Variants in GATAD1 observed in about 807,000 individuals in gnomAD.
The protein encoded by GATAD1 is GATA zinc finger domain-containing protein 1.
Under a neutral mutation model 26.5 loss-of-function variants are expected in GATAD1, and 12 were observed. The observed-to-expected ratio is 0.45, with a 90% CI of 0.29 to 0.73. GATAD1 has a LOEUF of 0.73. Among genes scored for constraint, GATAD1 ranks in the 30% least tolerant of loss-of-function variants. The pLI is 0.10. For missense variants in GATAD1, 266 were observed against 342.1 expected, an observed-to-expected ratio of 0.78 and a Z score of 1.75; for synonymous variants, 129 against 133.1, an observed-to-expected ratio of 0.97 and a Z score of 0.21.
the GATAD1 span, among the ~76,000 whole-genome samples, chr7:92,482,724 C>T: frequency 0.058 from 8,756 of 152,008 alleles, 528 homozygotes; most frequent in East Asian, 0.28. Context: ...CAGGAATAGT[C>T]GGGGAAGCAG....
chr7:92,480,980 A>T, the GATAD1 span, among the ~76,000 whole-genome samples: 4 of 152,212 alleles, frequency 2.6e-5, no homozygotes, highest in Non-Finnish European at 2.9e-5. Flanking sequence ...GTCAGTATAA[A>T]TATTGACGTG....
chr7:92,455,113 G>C (rs568761017), intron 4 of GATAD1, among the ~76,000 whole-genome samples: 7 of 151,832 alleles, frequency 4.6e-5, no homozygotes, highest in African/African-American at 1.2e-4. Flanking sequence ...AGGGTGGCGG[G>C]GGGGGATGCA....
At chr7:92,476,257 TA>T in the GATAD1 span, among the ~76,000 whole-genome samples, 1 of 152,260 alleles carries the variant, frequency 6.6e-6, no homozygotes, top group Admixed American at 6.5e-5. Flanking sequence ...CTTTTTTTAT[TA>T]GAATAATTCT....
At chr7:92,494,496 CT>C in the GATAD1 span, 186 of 1,613,618 alleles carry the variant, frequency 1.2e-4, no homozygotes, top group Non-Finnish European at 1.5e-4. Flanking sequence ...CCCTGTAAGC[CT>C]TCTACTCCAT....
At chr7:92,489,702 A>G in the GATAD1 span, 21 of 1,604,234 alleles carry the variant, frequency 1.3e-5, no homozygotes, top group East Asian at 2.2e-5. Flanking sequence ...AATGAGGGGG[A>G]AAAAGCCATA....
At chr7:92,450,354 GTTACTT>G (rs1789375212) in intron 2 of GATAD1, 1 of 214,662 alleles carries the variant, frequency 4.7e-6, no homozygotes, top group South Asian at 9.5e-5. Flanking sequence ...TACATTTTCT[GTTACTT>G]GCATTCTGTC....
the GATAD1 span, chr7:92,489,280 A>G: frequency 8.7e-6 from 14 of 1,611,154 alleles, no homozygotes; most frequent in Non-Finnish European, 1.2e-5. Context: ...CCAAAACAGA[A>G]TCTGTTACTT....
At chr7:92,483,643 C>G in the GATAD1 span, among the ~76,000 whole-genome samples, 1 of 152,200 alleles carries the variant, frequency 6.6e-6, no homozygotes, top group Non-Finnish European at 1.5e-5. Flanking sequence ...AGAGCGTAAA[C>G]GCTAACTGAT....
the GATAD1 span, among the ~76,000 whole-genome samples, chr7:92,466,725 A>C: frequency 1.3e-5 from 2 of 152,216 alleles, no homozygotes; most frequent in African/African-American, 4.8e-5. Flanking sequence ...GTCCTCAACT[A>C]AGAGAACTTG....
the GATAD1 span, among the ~76,000 whole-genome samples, chr7:92,476,094 G>T: frequency 6.6e-6 from 1 of 152,180 alleles, no homozygotes; most frequent in Non-Finnish European, 1.5e-5. Flanking sequence ...TTCCGCCTAG[G>T]TCTGGTCGGA....
At chr7:92,452,840 A>G (rs565939179) in intron 3 of GATAD1, among the ~76,000 whole-genome samples, 2 of 152,376 alleles carry the variant, frequency 1.3e-5, no homozygotes, top group East Asian at 3.9e-4. Flanking sequence ...CATTCAGCAT[A>G]CATTTGAATA....
At chr7:92,473,961 T>G in the GATAD1 span, among the ~76,000 whole-genome samples, 1 of 152,098 alleles carries the variant, frequency 6.6e-6, no homozygotes, top group Admixed American at 6.6e-5. Context: ...GGCCTTCCAG[T>G]GATTCCCTTG....
At chr7:92,475,859 G>A in the GATAD1 span, among the ~76,000 whole-genome samples, 5 of 152,162 alleles carry the variant, frequency 3.3e-5, no homozygotes, top group Admixed American at 6.5e-5. Context: ...TACAGAGAGG[G>A]TGTAGCTAAC....
the GATAD1 span, among the ~76,000 whole-genome samples, chr7:92,466,705 G>A: frequency 1.1e-4 from 16 of 152,108 alleles, no homozygotes; most frequent in Non-Finnish European, 2.1e-4. Context: ...GTATGTTTTC[G>A]AGATAAATAG....
rs1585176475 is a variant in GATAD1 at position 92,458,850 on chromosome 7, T to C, written c.*2288T>C. 6.6e-6 allele frequency: 1 copy of C among 152,232 alleles called. No individual in the cohort carries two copies. The highest frequency in any genetic ancestry group is 1.9e-4 in the East Asian group (1 of 5,200). 9.4% of individuals were successfully genotyped at this position (152,232 alleles called of 1,614,324 possible). A position where few individuals can be genotyped will look rare whatever the true frequency, so the allele number is the denominator to read the frequency against. On this transcript the variant is annotated 3_prime_UTR_variant, in exon 5 of 5. Transcript: ENST00000287957. ...TTTCACCGTGCATTTACTTTGGATG[T>C]ATTTATTTCATTTAAACAATTTAAA...
chr7:92,492,782 T>C, the GATAD1 span, among the ~76,000 whole-genome samples: 1 of 152,232 alleles, frequency 6.6e-6, no homozygotes, highest in East Asian at 1.9e-4. Flanking sequence ...TTATAAATTC[T>C]CTGCAAAACC....
At chr7:92,467,211 A>G in the GATAD1 span, among the ~76,000 whole-genome samples, 1 of 152,134 alleles carries the variant, frequency 6.6e-6, no homozygotes, top group South Asian at 2.1e-4. Flanking sequence ...CCTAGCTACC[A>G]GGGAGGTTGA....
chr7:92,490,622 G>A, the GATAD1 span, among the ~76,000 whole-genome samples: 2 of 112,600 alleles, frequency 1.8e-5, no homozygotes, highest in African/African-American at 7.1e-5. Context: ...ATGATAGAGT[G>A]AGACTGTCTC....
the GATAD1 span, among the ~76,000 whole-genome samples, chr7:92,478,188 T>C: frequency 2.6e-5 from 4 of 152,190 alleles, no homozygotes; most frequent in Non-Finnish European, 5.9e-5. Flanking sequence ...TAGTCCTGTC[T>C]CTCAGTTGCA....
Sources: allele counts gnomAD v4.1 joint callset (sites outside exome capture counted in the v4.1 genomes callset), GRCh38; gene constraint gnomAD v4.1.1; transcripts MANE v1.5; gene names NCBI Gene and HGNC (gene_info 2026-07-23, HGNC 2026-07-21).